CEP57L1: variants seen among roughly 807,000 people sequenced by gnomAD.
CEP57L1 encodes centrosomal protein CEP57L1.
In CEP57L1, 37 loss-of-function variants were observed where a neutral mutation model predicts 61.0. The ratio of observed to expected loss-of-function variants is 0.61; its 90% confidence interval spans 0.47 to 0.80. The LOEUF is 0.80. Among genes scored for constraint, CEP57L1 ranks in the 30% least tolerant of loss-of-function variants. The probability of loss-of-function intolerance (pLI) is 0.00; values close to 1 mark genes in which losing one functional copy is unlikely to be tolerated. For synonymous variants in CEP57L1, 137 were observed against 162.3 expected (o/e 0.84, Z 1.19); for missense variants, 422 against 524.7 (o/e 0.80, Z 1.91).
At position 109,171,151 on chromosome 6, in the gene CEP57L1, G is replaced by C. The variant is rs529354182; in HGVS notation, c.*8181G>C. On this transcript the variant is annotated 3_prime_UTR_variant, in exon 11 of 11. Coordinates refer to ENST00000517392, the MANE Select transcript of CEP57L1 (RefSeq NM_001271852.3). ...AGAATGGCTCTCAAGTCGAAAGAGG[G>C]CTGTGCCTTTGGTGTTTGGGTATGA... Among the ~76,000 whole-genome samples the C allele has an allele frequency of 6.6e-6, 1 of 151,992 alleles. No homozygotes were observed. Among genetic ancestry groups the C allele is most frequent in the African/African-American group, 2.4e-5 (1 of 41,446 alleles).
intron 9 of CEP57L1, among the ~76,000 whole-genome samples, chr6:109,160,209 G>C (rs1438063539): frequency 6.6e-6 from 1 of 152,146 alleles, no homozygotes; most frequent in Non-Finnish European, 1.5e-5. Context: ...TTTTCAGGCA[G>C]ATACTTCTAC....
chr6:109,123,768 C>T (rs1249361552), intron 1 of CEP57L1, among the ~76,000 whole-genome samples: 1 of 152,188 alleles, frequency 6.6e-6, no homozygotes, highest in African/African-American at 2.4e-5. Flanking sequence ...GCAGGAAATA[C>T]CTAAATAGAT....
rs190729727 is a variant in CEP57L1 at position 109,138,132 on chromosome 6, G to T, written c.-3-7087G>T. On this transcript the variant is annotated intron_variant, in intron 1 of 10. Transcript: ENST00000517392. ...ACTGAAGGAGAGTCAGAGTTGGGGAGTGGGGGACCCAATTCATATATGGCT... is the reference window on the plus strand; with the variant it reads ...ACTGAAGGAGAGTCAGAGTTGGGGATTGGGGGACCCAATTCATATATGGCT... 1.8e-4 allele frequency among the ~76,000 whole-genome samples: 27 copies of T among 152,344 alleles called. 1 individual carries two copies. The highest frequency in any genetic ancestry group is 6.5e-4 in the African/African-American group (27 of 41,580).
chr6:109,103,447 A>G (rs1017743037), intron 1 of CEP57L1, among the ~76,000 whole-genome samples: 7 of 152,186 alleles, frequency 4.6e-5, no homozygotes, highest in African/African-American at 1.7e-4. Context: ...TTCCTTAACA[A>G]GATTGATTTG....
In CEP57L1 at chr6:109,172,962, C is replaced by G. The variant is rs1774470924; in HGVS notation, c.*9992C>G. On this transcript the variant is annotated 3_prime_UTR_variant, in exon 11 of 11. Transcript: ENST00000517392. ...GAACCAAGAACCGGTCAATTTACCT[C>G]AGCCAAGTTGCTTGGACTGCTTTGC... Among the ~76,000 whole-genome samples, 1 of 152,224 alleles carries G rather than the reference C, an allele frequency of 6.6e-6. No individual in the cohort carries two copies. The highest frequency in any genetic ancestry group is 2.1e-4 in the South Asian group (1 of 4,834).
chr6:109,162,121 A>G (rs946602217), intron 10 of CEP57L1, among the ~76,000 whole-genome samples: 1 of 152,096 alleles, frequency 6.6e-6, no homozygotes, highest in Non-Finnish European at 1.5e-5. Flanking sequence ...CTTTAAATTC[A>G]GGAATACACA....
intron 1 of CEP57L1, among the ~76,000 whole-genome samples, chr6:109,138,456 A>C (rs1167271490): frequency 6.6e-6 from 1 of 152,184 alleles, no homozygotes; most frequent in Non-Finnish European, 1.5e-5. Context: ...TGATATTATA[A>C]ATAATGCTAA....
intron 1 of CEP57L1, among the ~76,000 whole-genome samples, chr6:109,096,325 A>G (rs1781702378): frequency 6.6e-6 from 1 of 152,240 alleles, no homozygotes; most frequent in Non-Finnish European, 1.5e-5. Context: ...CAGTCTTACT[A>G]GTTAGAGGAA....
rs1773505627 is a variant in CEP57L1 at position 109,159,249 on chromosome 6, G to A, written c.823-20G>A. 6.2e-7 allele frequency: 1 copy of A among 1,614,084 alleles called. No homozygotes were observed. Reference sequence around the variant, plus strand: ...AGTGCAAGCTGTTCTGTGAATGCAAGTATGCAAAACTTTTTGCAGATGAGG... The same window carrying A: ...AGTGCAAGCTGTTCTGTGAATGCAAATATGCAAAACTTTTTGCAGATGAGG... On this transcript the variant is annotated intron_variant, in intron 8 of 10. Transcript: ENST00000517392.
Position 109,116,139 on chromosome 6 carries a change from GTTA to G in CEP57L1, c.-4+20566_-4+20568del, listed in dbSNP as rs1562512237. Among the ~76,000 whole-genome samples, 318 of 134,830 alleles carry G rather than the reference GTTA, an allele frequency of 2.4e-3. 2 individuals are homozygous for G. The highest frequency in any genetic ancestry group is 9.4e-3 in the African/African-American group (303 of 32,396). The allele number at this position is 134,830 out of a possible 152,430, so 88.5% of individuals were successfully genotyped here. ...TATGTTATGTGTTGTGTTATGTTATGTTATGTTATGTTATGTTATGTTATGTTA... is the reference window on the plus strand; with the variant it reads ...TATGTTATGTGTTGTGTTATGTTATGTGTTATGTTATGTTATGTTATGTTA... On this transcript the variant is annotated intron_variant, in intron 1 of 10. Coordinates refer to ENST00000517392, the MANE Select transcript of CEP57L1 (RefSeq NM_001271852.3).
chr6:109,153,955 C>T lies in CEP57L1; in HGVS notation c.579+6C>T. 6.8e-7 allele frequency: 1 copy of T among 1,466,106 alleles called. No individual in the cohort carries two copies. The highest frequency in any genetic ancestry group is 9.5e-7 in the Non-Finnish European group (1 of 1,053,530). The allele number at this position is 1,466,106 out of a possible 1,614,324, so 90.8% of individuals were successfully genotyped here. On this transcript the variant is annotated splice_donor_region_variant and intron_variant, in intron 5 of 10. Coordinates refer to ENST00000517392, the MANE Select transcript of CEP57L1 (RefSeq NM_001271852.3). ...CAACTCAGAAAACTGCTGAGGTAAG[C>T]TTTCTTTGAAGTGATGACAACAGGA...
intron 1 of CEP57L1, among the ~76,000 whole-genome samples, chr6:109,141,240 C>G (rs1297181471): frequency 1.3e-5 from 2 of 151,832 alleles, no homozygotes; most frequent in African/African-American, 4.8e-5. Context: ...TTTTGAGACA[C>G]AGTCTCACAT....
At chr6:109,151,284 G>A (rs974502613) in intron 4 of CEP57L1, among the ~76,000 whole-genome samples, 177 of 152,216 alleles carry the variant, frequency 1.2e-3, no homozygotes, top group African/African-American at 4.1e-3. Context: ...AAAGGTCCAA[G>A]AACAGCCAAA....
In CEP57L1 at chr6:109,109,347, A is replaced by G. The variant is rs1358949534; in HGVS notation, c.-4+13772A>G. The stretch of plus-strand genomic sequence containing the variant: ...AAAGATACTGACAAGACTTGCAGGT[A>G]AAGAAGGTTAATTTTGTTTTACCAA... On this transcript the variant is annotated intron_variant, in intron 1 of 10. Coordinates refer to ENST00000517392, the MANE Select transcript of CEP57L1 (RefSeq NM_001271852.3). Among the ~76,000 whole-genome samples the G allele has an allele frequency of 3.3e-5, 5 of 152,304 alleles. No individual in the cohort carries two copies. In the East Asian group the frequency reaches 9.6e-4, roughly 29 times the overall value.
At chr6:109,141,768 A>G (rs946727811) in intron 1 of CEP57L1, among the ~76,000 whole-genome samples, 1 of 152,248 alleles carries the variant, frequency 6.6e-6, no homozygotes, top group South Asian at 2.1e-4. Context: ...ATTAAAAAAT[A>G]AAAGAGTTAG....
intron 1 of CEP57L1, among the ~76,000 whole-genome samples, chr6:109,102,309 C>T (rs1770404844): frequency 6.6e-6 from 1 of 152,158 alleles, no homozygotes; most frequent in African/African-American, 2.4e-5. Context: ...GCAGTCCTGC[C>T]TCAGCCTCCG....
chr6:109,096,480 G>T (rs998985326), intron 1 of CEP57L1, among the ~76,000 whole-genome samples: 1 of 152,182 alleles, frequency 6.6e-6, no homozygotes. Flanking sequence ...CTAAGGCCCA[G>T]AGTGAGAGAT....
rs1237944389 is a variant in CEP57L1 at position 109,171,639 on chromosome 6, G to A, written c.*8669G>A. Among the ~76,000 whole-genome samples, 1 of 152,106 alleles carries A rather than the reference G, an allele frequency of 6.6e-6. No homozygotes were observed. Among genetic ancestry groups the A allele is most frequent in the Non-Finnish European group, 1.5e-5 (1 of 68,028 alleles). The stretch of plus-strand genomic sequence containing the variant: ...AAACATAAACCACTAAAAGATTAAA[G>A]CATTTAGGAGTTTATATGCAAAGAA... On this transcript the variant is annotated 3_prime_UTR_variant, in exon 11 of 11. Coordinates refer to ENST00000517392, the MANE Select transcript of CEP57L1 (RefSeq NM_001271852.3).
chr6:109,150,661 CA>C (rs751693443), intron 4 of CEP57L1, among the ~76,000 whole-genome samples: 1,256 of 59,816 alleles, frequency 0.021, 14 homozygotes, highest in African/African-American at 0.06. Context: ...GACTCTGTCT[CA>C]AAAAAAAAAA....
Sources: allele counts gnomAD v4.1 joint callset (sites outside exome capture counted in the v4.1 genomes callset), GRCh38; gene constraint gnomAD v4.1.1; transcripts MANE v1.5; gene names NCBI Gene and HGNC (gene_info 2026-07-23, HGNC 2026-07-21).